Variants in PCDHGA8 observed in about 807,000 individuals in gnomAD.
PCDHGA8 encodes the protein protocadherin gamma-A8.
Under a neutral mutation model 59.2 loss-of-function variants are expected in PCDHGA8, and 45 were observed. The observed-to-expected ratio is 0.76, with a 90% CI of 0.60 to 0.98. The LOEUF (loss-of-function observed/expected upper bound fraction) is 0.98. Among genes scored for constraint, PCDHGA8 ranks in the 50% least tolerant of loss-of-function variants. The pLI is 0.00. For missense variants in PCDHGA8, 1,257 were observed against 1,196.2 expected, an observed-to-expected ratio of 1.05 and a Z score of -0.75; for synonymous variants, 531 against 519.0, an observed-to-expected ratio of 1.02 and a Z score of -0.32.
chr5:141,424,149 G>T, intron 1 of PCDHGA8: 1 of 324,612 alleles, frequency 3.1e-6, no homozygotes. Flanking sequence ...GCTCCCTCTA[G>T]CTCTCCTTCT....
intron 1 of PCDHGA8, among the ~76,000 whole-genome samples, chr5:141,448,316 T>C (rs1042171540): frequency 6.6e-6 from 1 of 152,174 alleles, no homozygotes; most frequent in Non-Finnish European, 1.5e-5. Flanking sequence ...AGGAATCTTT[T>C]CTTTGAATCT....
chr5:141,478,748 A>G (rs2099474609), intron 1 of PCDHGA8: 2 of 1,525,644 alleles, frequency 1.3e-6, no homozygotes, highest in African/African-American at 1.4e-5. Context: ...GTCCCATTTC[A>G]GGGGGAAGAT....
chr5:141,460,126 T>TC (rs2098982804), intron 1 of PCDHGA8, among the ~76,000 whole-genome samples: 1 of 151,986 alleles, frequency 6.6e-6, no homozygotes, highest in South Asian at 2.1e-4. Context: ...ATATATGTAA[T>TC]ATATATATTC....
intron 1 of PCDHGA8, among the ~76,000 whole-genome samples, chr5:141,492,622 C>A (rs2099742615): frequency 6.6e-6 from 1 of 152,218 alleles, no homozygotes; most frequent in South Asian, 2.1e-4. Flanking sequence ...GCCGGGCGGG[C>A]AGGACTCTAC....
At chr5:141,425,842 T>G (rs2096897830) in intron 1 of PCDHGA8, among the ~76,000 whole-genome samples, 1 of 152,230 alleles carries the variant, frequency 6.6e-6, no homozygotes, top group Non-Finnish European at 1.5e-5. Context: ...TTCTCTTTGC[T>G]GGGTTAATGA....
In PCDHGA8 at chr5:141,412,947, C is replaced by T. The variant is rs930035804; in HGVS notation, c.2424+17710C>T. On this transcript the variant is annotated intron_variant, in intron 1 of 3. Coordinates refer to ENST00000398604, the MANE Select transcript of PCDHGA8 (RefSeq NM_032088.2). ...AGTAACTTCTTAGGACTCTGAGCGC[C>T]GCTGTTCACCTACTAGGAGAGAAAA... is the stretch of plus-strand genomic sequence containing the variant. The T allele has an allele frequency of 2.3e-5, 11 of 475,008 alleles. No individual in the cohort carries two copies. The Middle Eastern group carries it at 2.2e-3, about 94-fold the overall frequency. 29.4% of individuals were successfully genotyped at this position (475,008 alleles called of 1,614,324 possible). A position where few individuals can be genotyped will look rare whatever the true frequency, so the allele number is the denominator to read the frequency against.
intron 1 of PCDHGA8, among the ~76,000 whole-genome samples, chr5:141,425,189 T>C (rs1042702500): frequency 2.6e-5 from 4 of 152,116 alleles, no homozygotes; most frequent in African/African-American, 7.2e-5. Flanking sequence ...AATTCCAAAC[T>C]GAGAAAAATG....
intron 1 of PCDHGA8, among the ~76,000 whole-genome samples, chr5:141,454,831 A>C (rs1489772379): frequency 1.3e-5 from 1 of 78,366 alleles, no homozygotes; most frequent in African/African-American, 6.7e-5. Context: ...TTTTTGAGAC[A>C]GAGTCGCGCT....
At position 141,460,338 on chromosome 5, in the gene PCDHGA8, T is replaced by C. The variant is rs1180912204; in HGVS notation, c.2425-34469T>C. Among the ~76,000 whole-genome samples, 4 of 152,222 alleles carry C rather than the reference T, an allele frequency of 2.6e-5. No homozygotes were observed. The East Asian group carries it at 7.7e-4, about 29-fold the overall frequency. On this transcript the variant is annotated intron_variant, in intron 1 of 3. Transcript: ENST00000398604. ...GCCTACTGAAAACTTATGATGATTT[T>C]CTCCTATATTTTCTTTTAGAAGTTT...
intron 1 of PCDHGA8, among the ~76,000 whole-genome samples, chr5:141,437,990 C>G (rs1298325497): frequency 1.3e-5 from 2 of 152,148 alleles, no homozygotes; most frequent in Non-Finnish European, 2.9e-5. Flanking sequence ...CCCACCCCAC[C>G]TCAGCCTCCC....
chr5:141,438,392 A>C (rs2097958012), intron 1 of PCDHGA8, among the ~76,000 whole-genome samples: 1 of 151,714 alleles, frequency 6.6e-6, no homozygotes, highest in African/African-American at 2.4e-5. Context: ...TTAGTTCATC[A>C]TTAACTCTCT....
At chr5:141,462,584 A>C (rs959398950) in intron 1 of PCDHGA8, among the ~76,000 whole-genome samples, 1 of 152,124 alleles carries the variant, frequency 6.6e-6, no homozygotes, top group African/African-American at 2.4e-5. Context: ...CATCCAGTGA[A>C]GTTTCCATTT....
chr5:141,450,565 C>A (rs1024229182), intron 1 of PCDHGA8, among the ~76,000 whole-genome samples: 4 of 152,016 alleles, frequency 2.6e-5, no homozygotes, highest in African/African-American at 9.7e-5. Flanking sequence ...CGGCTCACTG[C>A]AACTTCTGCC....
At chr5:141,455,160 GT>G (rs59530096) in intron 1 of PCDHGA8, among the ~76,000 whole-genome samples, 102 of 149,212 alleles carry the variant, frequency 6.8e-4, no homozygotes, top group East Asian at 7.9e-4. Flanking sequence ...TAGTTTGTTG[GT>G]TTTTTTTTTA....
At position 141,505,403 on chromosome 5, in the gene PCDHGA8, G is replaced by A; in HGVS notation, c.2494G>A (p.Gly832Ser). The A allele has an allele frequency of 6.2e-7, 1 of 1,614,186 alleles. No individual in the cohort carries two copies. The highest frequency in any genetic ancestry group is 8.5e-7 in the Non-Finnish European group (1 of 1,180,038). ...QRPGTSGSQN[G>S]DDTGTWPNNQ... ...CTACTCTCTCCCCAGCTCCCAAAAT[G>A]GCGATGACACCGGCACCTGGCCCAA... Residue 832 changes from glycine (G) to serine (S), a missense_variant, in exon 3 of 4, where the codon GGC (glycine) becomes AGC (serine). Coordinates refer to ENST00000398604, the MANE Select transcript of PCDHGA8 (RefSeq NM_032088.2).
intron 1 of PCDHGA8, chr5:141,420,146 C>G (rs372634787): frequency 1.9e-6 from 3 of 1,613,962 alleles, no homozygotes; most frequent in Non-Finnish European, 2.5e-6. Flanking sequence ...TCAAATGAAT[C>G]CAGAATTTAA....
At chr5:141,425,756 A>G (rs1282506394) in intron 1 of PCDHGA8, among the ~76,000 whole-genome samples, 1 of 152,228 alleles carries the variant, frequency 6.6e-6, no homozygotes, top group Non-Finnish European at 1.5e-5. Flanking sequence ...TTTTTGTTCT[A>G]CAACAGGAGA....
At chr5:141,467,455 GCTAGTA>G (rs2099144342) in intron 1 of PCDHGA8, among the ~76,000 whole-genome samples, 1 of 152,192 alleles carries the variant, frequency 6.6e-6, no homozygotes, top group African/African-American at 2.4e-5. Context: ...TTCTTCCAGT[GCTAGTA>G]CTTGCATGGT....
chr5:141,450,608 T>C (rs916441293), intron 1 of PCDHGA8, among the ~76,000 whole-genome samples: 5 of 151,776 alleles, frequency 3.3e-5, no homozygotes, highest in Admixed American at 2.6e-4. Flanking sequence ...TGCCTCAGCC[T>C]CCTGAGTAGC....
Sources: allele counts gnomAD v4.1 joint callset (sites outside exome capture counted in the v4.1 genomes callset), GRCh38; gene constraint gnomAD v4.1.1; transcripts MANE v1.5; gene names NCBI Gene and HGNC (gene_info 2026-07-23, HGNC 2026-07-21).